The following ZMYM4 variants were observed in gnomAD, a reference collection of about 807,000 sequenced individuals.
ZMYM4 encodes zinc finger MYM-type protein 4.
ZMYM4 carries 31 observed loss-of-function variants against 183.2 expected under a neutral mutation model. The ratio of observed to expected loss-of-function variants is 0.17; its 90% CI spans 0.13 to 0.23. The LOEUF (loss-of-function observed/expected upper bound fraction) is 0.23. Among genes scored for constraint, ZMYM4 ranks in the 10% least tolerant of loss-of-function variants. The pLI, the probability that ZMYM4 is intolerant of heterozygous loss-of-function variation, is 1.00. For synonymous variants in ZMYM4, 592 were observed against 631.2 expected (o/e 0.94, Z 0.93); for missense variants, 1,273 against 1,840.3 (o/e 0.69, Z 5.64).
intron 13 of ZMYM4, among the ~76,000 whole-genome samples, chr1:35,387,882 C>G (rs190817454): frequency 2.0e-5 from 3 of 152,112 alleles, no homozygotes; most frequent in African/African-American, 7.2e-5. Flanking sequence ...TTAGGTTGAT[C>G]GGGACCTCAA....
chr1:35,392,865 T>G (rs557485050), intron 17 of ZMYM4, among the ~76,000 whole-genome samples, 181 bp downstream of exon 17: 1 of 152,288 alleles, frequency 6.6e-6, no homozygotes, highest in South Asian at 2.1e-4. Context: ...TTTATGTACT[T>G]TAATATCTTT....
At chr1:35,408,272 TG>T (rs1225987937) in intron 26 of ZMYM4, 113 bp downstream of exon 26, 1 of 1,294,888 alleles carries the variant, frequency 7.7e-7, no homozygotes, top group Non-Finnish European at 1.1e-6. Flanking sequence ...GTATTTTCAT[TG>T]GAACATTGTT....
chr1:35,410,655 AT>A lies in ZMYM4; in HGVS notation c.3948+2511del, dbSNP rs750280057. ...AGGCGCCTGCCACCACACCTGGCTC[AT>A]TTTTTTTTTTTTTTCCAGTAGAGAC... On this transcript the variant is annotated intron_variant, in intron 26 of 29. Transcript: ENST00000314607. Among the ~76,000 whole-genome samples the A allele has an allele frequency of 5.1e-3, 673 of 132,096 alleles. 2 individuals are homozygous for A. Among genetic ancestry groups the A allele is most frequent in the South Asian group, 0.017 (70 of 4,196 alleles). 86.7% of individuals were successfully genotyped at this position (132,096 alleles called of 152,430 possible). A position where few individuals can be genotyped will look rare whatever the true frequency, so the allele number is the denominator to read the frequency against.
chr1:35,379,124 G>A (rs759213329), intron 7 of ZMYM4, among the ~76,000 whole-genome samples: 11 of 152,110 alleles, frequency 7.2e-5, no homozygotes, highest in Non-Finnish European at 8.8e-5. Context: ...GTTTTGAGAC[G>A]GAGTGTCTCT....
At chr1:35,367,645 T>C (rs1204897959) in intron 5 of ZMYM4, among the ~76,000 whole-genome samples, 1 of 152,196 alleles carries the variant, frequency 6.6e-6, no homozygotes, top group Non-Finnish European at 1.5e-5. Flanking sequence ...GAATTTGATA[T>C]ATTTATCAAT....
At chr1:35,374,710 A>T (rs1403916890) in intron 7 of ZMYM4, among the ~76,000 whole-genome samples, 4 of 148,930 alleles carry the variant, frequency 2.7e-5, no homozygotes, top group African/African-American at 4.9e-5. Context: ...TTTTTTTTTT[A>T]AAGATTTATC....
At chr1:35,401,385 T>A (rs981176597) in intron 23 of ZMYM4, among the ~76,000 whole-genome samples, 2 of 152,252 alleles carry the variant, frequency 1.3e-5, no homozygotes, top group Admixed American at 6.5e-5. Flanking sequence ...TGATTAATGA[T>A]GTTAAGCATC....
intron 1 of ZMYM4, among the ~76,000 whole-genome samples, chr1:35,274,842 C>A (rs1639792333): frequency 6.6e-6 from 1 of 152,016 alleles, no homozygotes; most frequent in Non-Finnish European, 1.5e-5. Flanking sequence ...GAAATTAAGG[C>A]ACAGAGAGAT....
chr1:35,392,694 ATTAC>A lies in ZMYM4; in HGVS notation c.2766+13_2766+16del. The A allele has an allele frequency of 6.3e-7, 1 of 1,590,648 alleles. No homozygotes were observed. The highest frequency in any genetic ancestry group is 1.2e-5 in the South Asian group (1 of 86,626). On this transcript the variant is annotated intron_variant, in intron 17 of 29. Transcript: ENST00000314607. ...GAAAATCATCGGTGATGTAAGTTTTATTACTTTTATTGGTATTGTCACTGTATTT... is the reference window on the plus strand; with the variant it reads ...GAAAATCATCGGTGATGTAAGTTTTATTTTATTGGTATTGTCACTGTATTT...
intron 1 of ZMYM4, among the ~76,000 whole-genome samples, chr1:35,274,561 G>A (rs778596535): frequency 4.8e-4 from 71 of 148,830 alleles, no homozygotes; most frequent in Non-Finnish European, 8.7e-4. Flanking sequence ...AACTATGATT[G>A]TGCCACTGCA....
At chr1:35,276,013 C>G (rs1434427176) in intron 1 of ZMYM4, among the ~76,000 whole-genome samples, 1 of 152,110 alleles carries the variant, frequency 6.6e-6, no homozygotes, top group Non-Finnish European at 1.5e-5. Context: ...AATTAGCTGC[C>G]TTTGACCAAA....
At chr1:35,404,420 T>A (rs1214099147) in intron 23 of ZMYM4, among the ~76,000 whole-genome samples, 1 of 152,314 alleles carries the variant, frequency 6.6e-6, no homozygotes, top group Non-Finnish European at 1.5e-5. Context: ...TTTTTAAAAA[T>A]TTTCTTATTG....
chr1:35,324,295 C>T (rs555306974), intron 1 of ZMYM4, among the ~76,000 whole-genome samples: 1 of 151,956 alleles, frequency 6.6e-6, no homozygotes, highest in Non-Finnish European at 1.5e-5. Context: ...GATGAGGTTT[C>T]ACCATGTTGG....
chr1:35,317,649 A>C lies in ZMYM4; in HGVS notation c.40-7711A>C, dbSNP rs28621592. Among the ~76,000 whole-genome samples, 609 of 152,314 alleles carry C rather than the reference A, an allele frequency of 4.0e-3. 3 individuals are homozygous for C. The highest frequency in any genetic ancestry group is 0.014 in the African/African-American group (581 of 41,556). On this transcript the variant is annotated intron_variant, in intron 1 of 29. Transcript: ENST00000314607. The stretch of plus-strand genomic sequence containing the variant: ...TCAGAATGGTCATAGATTGTTGATA[A>C]GTTTTCTGGTAAAGATGCTAGAACA...
At chr1:35,279,617 A>G (rs1640044818) in intron 1 of ZMYM4, among the ~76,000 whole-genome samples, 1 of 152,136 alleles carries the variant, frequency 6.6e-6, no homozygotes, top group Non-Finnish European at 1.5e-5. Context: ...TCCTTCTTCA[A>G]TTTATCTCTT....
intron 9 of ZMYM4, among the ~76,000 whole-genome samples, chr1:35,383,268 G>A (rs940236421): frequency 2.0e-5 from 3 of 152,026 alleles, no homozygotes; most frequent in Non-Finnish European, 4.4e-5. Context: ...TGGGTCCATA[G>A]TAGGTGTATA....
Position 35,421,241 on chromosome 1 carries a change from C to T in ZMYM4, c.*1564C>T, listed in dbSNP as rs1285531473. On this transcript the variant is annotated 3_prime_UTR_variant, in exon 30 of 30. Coordinates refer to ENST00000314607, the MANE Select transcript of ZMYM4 (RefSeq NM_005095.3). ...AAAGTAGGCCTTCTGACATTGTGTA[C>T]TTGGTGGTTCTGTCCCTCTGCCTGT... 3.3e-5 allele frequency: 5 copies of T among 152,566 alleles called. No individual in the cohort carries two copies. Among genetic ancestry groups the T allele is most frequent in the African/African-American group, 1.2e-4 (5 of 41,416 alleles). The allele number at this position is 152,566 out of a possible 1,614,324, so 9.5% of individuals were successfully genotyped here.
chr1:35,406,674 T>C (rs1645008080), intron 25 of ZMYM4, among the ~76,000 whole-genome samples: 1 of 152,158 alleles, frequency 6.6e-6, no homozygotes, highest in Non-Finnish European at 1.5e-5. Context: ...ACTGAATATC[T>C]CTCTTATATA....
At chr1:35,311,218 G>C (rs1337535786) in intron 1 of ZMYM4, among the ~76,000 whole-genome samples, 2 of 151,942 alleles carry the variant, frequency 1.3e-5, no homozygotes, top group East Asian at 3.9e-4. Context: ...TCAGGAGTTT[G>C]AAACCAGCCT....
Sources: gnomAD v4.1 joint callset for allele counts (sites outside exome capture counted in the v4.1 genomes callset) on GRCh38, gnomAD v4.1.1 for gene constraint, MANE v1.5 for transcripts, NCBI Gene and HGNC (gene_info 2026-07-23, HGNC 2026-07-21) for gene names.